The following PPL variants were observed in gnomAD, a reference collection of about 807,000 sequenced individuals.
PPL encodes the protein 190 kDa paraneoplastic pemphigus antigen.
PPL carries 198 observed loss-of-function variants against 194.4 expected under a neutral mutation model. The observed-to-expected ratio is 1.02, with a 90% CI of 0.91 to 1.15. The LOEUF is 1.15. PPL is among the 50% of genes most tolerant of loss of function. PPL has a pLI of 0.00. For missense variants in PPL, 2,885 were observed against 2,294.8 expected (o/e 1.26, Z -5.25); for synonymous variants, 1,220 against 972.4 (o/e 1.25, Z -4.74).
rs375213809 is a variant in PPL at position 4,893,838 on chromosome 16, T to G, written c.1395-200A>C. 6.9e-6 allele frequency: 4 copies of G among 576,340 alleles called. No individual in the cohort carries two copies. In the African/African-American group the frequency reaches 7.5e-5, roughly 11 times the overall value. 35.7% of individuals were successfully genotyped at this position (576,340 alleles called of 1,614,324 possible). On this transcript the variant is annotated intron_variant, in intron 12 of 21. Coordinates refer to ENST00000345988, the MANE Select transcript of PPL (RefSeq NM_002705.5). ...CTCTTCTCCCTCCTTCCCTCCTCTT[T>G]CGTAGGAAGTCTCACTACCTAAAAT... is the stretch of plus-strand genomic sequence containing the variant.
At position 4,924,780 on chromosome 16, in the gene PPL, G is replaced by A. The variant is rs575619020; in HGVS notation, c.62+12204C>T. 3.9e-5 allele frequency among the ~76,000 whole-genome samples: 6 copies of A among 152,326 alleles called. No homozygotes were observed. The East Asian group carries it at 1.2e-3, about 29-fold the overall frequency. On this transcript the variant is annotated intron_variant, in intron 1 of 21. Transcript: ENST00000345988. ...TGCAACCCTGTCCATAGGCCATGGGGCTGTGCTGGAGGCACCTGGCCTGCT... is the reference window on the plus strand; with the variant it reads ...TGCAACCCTGTCCATAGGCCATGGGACTGTGCTGGAGGCACCTGGCCTGCT...
intron 17 of PPL, 147 bp downstream of exon 17, chr16:4,890,581 G>C: frequency 9.0e-7 from 1 of 1,109,178 alleles, no homozygotes; most frequent in Non-Finnish European, 1.3e-6. Context: ...TGACTCAAAA[G>C]AGAGACCACA....
At chr16:4,887,307 G>GTC (rs1185700751) in intron 20 of PPL, 80 bp from the exon 21 acceptor site, 18 of 1,079,650 alleles carry the variant, frequency 1.7e-5, no homozygotes, top group African/African-American at 3.1e-5. Context: ...CAGCGTGGAC[G>GTC]TGGTTCTTGA....
chr16:4,890,608 T>G, intron 17 of PPL, 120 bp downstream of exon 17: 1 of 1,263,380 alleles, frequency 7.9e-7, no homozygotes, highest in Non-Finnish European at 1.1e-6. Flanking sequence ...TCAGAGAATC[T>G]GACGAACTCA....
chr16:4,929,850 TA>T (rs1391663975), intron 1 of PPL, among the ~76,000 whole-genome samples: 2 of 150,780 alleles, frequency 1.3e-5, no homozygotes, highest in African/African-American at 4.9e-5. Flanking sequence ...CATGCCCAGC[TA>T]ATTTTTTTTT....
chr16:4,901,949 T>TAAATA (rs1316417589), intron 4 of PPL, among the ~76,000 whole-genome samples: 4 of 68,854 alleles, frequency 5.8e-5, no homozygotes, highest in South Asian at 5.9e-4. Context: ...CAAAAATAAA[T>TAAATA]AAATAAATAA....
chr16:4,936,433 C>T (rs2089299425), intron 1 of PPL, among the ~76,000 whole-genome samples: 1 of 152,162 alleles, frequency 6.6e-6, no homozygotes, highest in Non-Finnish European at 1.5e-5. Context: ...CCGCCCCCTC[C>T]GGACACCCAT....
Position 4,888,251 on chromosome 16 carries a change from T to C in PPL, c.2398-33A>G, listed in dbSNP as rs200827847. Reference sequence around the variant, plus strand: ...AGGGAGAGACATGGCAGAGGGGAGATTAAAACAGCTGAGAAGAGACAGACA... The same window carrying C: ...AGGGAGAGACATGGCAGAGGGGAGACTAAAACAGCTGAGAAGAGACAGACA... On this transcript the variant is annotated intron_variant, in intron 19 of 21. Transcript: ENST00000345988. The C allele has an allele frequency of 2.9e-4, 422 of 1,446,662 alleles. 1 individual carries two copies. The African/African-American group carries it at 5.5e-3, about 19-fold the overall frequency. The allele number at this position is 1,446,662 out of a possible 1,614,324, so 89.6% of individuals were successfully genotyped here. A position where few individuals can be genotyped will look rare whatever the true frequency, so the allele number is the denominator to read the frequency against.
In PPL at chr16:4,893,303, C is replaced by T. The variant is rs1204819228; in HGVS notation, c.1560G>A (p.Arg520=). ...GGATCCCTGTGATGGCCTTCTCCTG[C>T]CGGTCCAGGTCGCTGGCCACCTTGT... is the stretch of plus-strand genomic sequence containing the variant. ...GLDKVASDLD[R]QEKAITGILR... The change falls in exon 14 of 22, where the codon CGG becomes CGA. Residue 520 remains arginine (R), a synonymous_variant. Coordinates refer to ENST00000345988, the MANE Select transcript of PPL (RefSeq NM_002705.5). 2 of 1,606,978 alleles carry T rather than the reference C, an allele frequency of 1.2e-6. No individual in the cohort carries two copies. The highest frequency in any genetic ancestry group is 1.3e-5 in the African/African-American group (1 of 74,888).
At position 4,890,930 on chromosome 16, in the gene PPL, G is replaced by T. The variant is rs1329405487; in HGVS notation, c.1969-9C>A. ...AACTCACAGGCCATGGCCTGGCGGGGCAGAGGAGGAGACGGCGGTGCTACG... is the reference window on the plus strand; with the variant it reads ...AACTCACAGGCCATGGCCTGGCGGGTCAGAGGAGGAGACGGCGGTGCTACG... On this transcript the variant is annotated splice_polypyrimidine_tract_variant and intron_variant, in intron 16 of 21. Coordinates refer to ENST00000345988, the MANE Select transcript of PPL (RefSeq NM_002705.5). The T allele has an allele frequency of 6.6e-7, 1 of 1,508,916 alleles. No homozygotes were observed. Among genetic ancestry groups the T allele is most frequent in the African/African-American group, 1.4e-5 (1 of 71,630 alleles). The allele number at this position is 1,508,916 out of a possible 1,614,324, so 93.5% of individuals were successfully genotyped here.
intron 12 of PPL, among the ~76,000 whole-genome samples, chr16:4,894,027 G>A (rs2088370987): frequency 1.3e-5 from 2 of 152,178 alleles, no homozygotes; most frequent in Non-Finnish European, 2.9e-5. Flanking sequence ...AGGCCCTGGA[G>A]AGAGGAAATT....
At chr16:4,910,659 C>G (rs2088800711) in intron 2 of PPL, among the ~76,000 whole-genome samples, 191 bp downstream of exon 2, 1 of 152,184 alleles carries the variant, frequency 6.6e-6, no homozygotes, top group East Asian at 1.9e-4. Context: ...CAGCAGCATC[C>G]CTGTCTCCCC....
chr16:4,897,609 A>T, intron 9 of PPL, 66 bp downstream of exon 9: 1 of 1,275,712 alleles, frequency 7.8e-7, no homozygotes, highest in Non-Finnish European at 1.1e-6. Flanking sequence ...TGAGCCAGGT[A>T]GGCACTGAGC....
intron 2 of PPL, among the ~76,000 whole-genome samples, chr16:4,905,809 G>A (rs879444863): frequency 3.3e-5 from 5 of 152,162 alleles, no homozygotes; most frequent in Admixed American, 6.5e-5. Flanking sequence ...CTGATGTCCC[G>A]AAAAGCCGCT....
At chr16:4,930,947 G>A (rs1251944526) in intron 1 of PPL, among the ~76,000 whole-genome samples, 2 of 152,158 alleles carry the variant, frequency 1.3e-5, no homozygotes, top group Non-Finnish European at 2.9e-5. Context: ...ATGTCGTAAG[G>A]AGCTCCCTGG....
At chr16:4,903,788 TA>T in intron 3 of PPL, 97 bp downstream of exon 3, 1 of 1,436,120 alleles carries the variant, frequency 7.0e-7, no homozygotes, top group Non-Finnish European at 9.5e-7. Flanking sequence ...TAGCCCTTGA[TA>T]ACCCCTGACT....
chr16:4,895,604 C>T lies in PPL; in HGVS notation c.1085G>A (p.Arg362Gln), dbSNP rs1278065459. Residue 362 changes from arginine (R) to glutamine (Q), a missense_variant, in exon 10 of 22, where the codon CGG becomes CAG. Transcript: ENST00000345988. ...TGGGCCATCGCTCACATCCAGCTCC[C>T]GCAGCAGCAGCTCAATCTGGTACCG... is the stretch of plus-strand genomic sequence containing the variant. ...KDRYQIELLL[R>Q]ELDDQEKVLD... 4.3e-6 allele frequency: 7 copies of T among 1,613,950 alleles called. No individual in the cohort carries two copies. The highest frequency in any genetic ancestry group is 1.7e-5 in the Admixed American group (1 of 60,026).
chr16:4,890,941 G>T lies in PPL; in HGVS notation c.1969-20C>A, dbSNP rs1232676464. 1 of 1,498,262 alleles carries T rather than the reference G, an allele frequency of 6.7e-7. No homozygotes were observed. The allele number at this position is 1,498,262 out of a possible 1,614,324, so 92.8% of individuals were successfully genotyped here. ...CATGGCCTGGCGGGGCAGAGGAGGA[G>T]ACGGCGGTGCTACGGCCAGAGCTCC... On this transcript the variant is annotated intron_variant, in intron 16 of 21. Transcript: ENST00000345988.
At chr16:4,890,954 C>A (rs139842274) in intron 16 of PPL, 33 bp from the exon 17 acceptor site, 27 of 1,478,622 alleles carry the variant, frequency 1.8e-5, no homozygotes, top group Non-Finnish European at 2.3e-5. Flanking sequence ...GGCGGTGCTA[C>A]GGCCAGAGCT....
Sources: gnomAD v4.1 joint callset for allele counts (sites outside exome capture counted in the v4.1 genomes callset) on GRCh38, gnomAD v4.1.1 for gene constraint, MANE v1.5 for transcripts, NCBI Gene and HGNC (gene_info 2026-07-23, HGNC 2026-07-21) for gene names.